The following EXTL3 variants were observed in gnomAD, a reference collection of about 807,000 sequenced individuals.
The protein encoded by EXTL3 is exostosin like glycosyltransferase 3, also known as exostosin-like 3.
In EXTL3, 27 loss-of-function variants were observed where a neutral mutation model predicts 69.3. The ratio of observed to expected loss-of-function variants is 0.39; its 90% CI spans 0.29 to 0.54. EXTL3 has a LOEUF of 0.54. Among genes scored for constraint, EXTL3 ranks in the 20% least tolerant of loss-of-function variants. The pLI is 0.69. For missense variants in EXTL3, 1,003 were observed against 1,231.8 expected (o/e 0.81, Z 2.78); for synonymous variants, 511 against 499.4 (o/e 1.02, Z -0.31).
upstream of EXTL3, chr8:28,696,567 T>C (rs1800689392): frequency 6.6e-6 from 1 of 151,454 alleles, no homozygotes; most frequent in African/African-American, 2.4e-5. Context: ...CATATACACT[T>C]TTTTTTTTTC....
At chr8:28,704,493 C>A (rs1800878362) in intron 1 of EXTL3, among the ~76,000 whole-genome samples, 2 of 152,154 alleles carry the variant, frequency 1.3e-5, no homozygotes, top group Non-Finnish European at 2.9e-5. Context: ...TATATTCCTT[C>A]ATTTGGCTGT....
At chr8:28,729,595 CAAAAAAAA>C (rs567929424) in intron 3 of EXTL3, among the ~76,000 whole-genome samples, 3 of 33,236 alleles carry the variant, frequency 9.0e-5, no homozygotes, top group Admixed American at 5.1e-4. Flanking sequence ...GACTCCATCT[CAAAAAAAA>C]AAAAAAAAAA....
chr8:28,717,365 C>G lies in EXTL3; in HGVS notation c.1306C>G (p.Pro436Ala). The change falls in exon 3 of 7, where the codon CCC (proline) becomes GCC (alanine). Residue 436 changes from proline (P) to alanine (A), a missense_variant. By Grantham distance (27) the Pro-to-Ala change is conservative (BLOSUM62 -1). Coordinates refer to ENST00000220562, the MANE Select transcript of EXTL3 (RefSeq NM_001440.4). This position sits in a 1 kb window ranked among gnomAD's most constrained non-coding sequence, Gnocchi z 8.3. ...KLSTFALIIT[P>A]GDPRLVISSG... is the part of the protein sequence containing the mutation. Reference sequence around the variant, plus strand: ...CTCCACCTTCGCCCTCATCATTACCCCCGGGGACCCTCGCTTGGTTATTTC... The same window carrying G: ...CTCCACCTTCGCCCTCATCATTACCGCCGGGGACCCTCGCTTGGTTATTTC... 4 of 1,614,228 alleles carry G rather than the reference C, an allele frequency of 2.5e-6. No individual in the cohort carries two copies. The highest frequency in any genetic ancestry group is 3.4e-6 in the Non-Finnish European group (4 of 1,180,040).
rs185462766 is a variant in EXTL3, at chr8:28,729,182, C to T, written c.2149-2041C>T. 3.5e-3 allele frequency among the ~76,000 whole-genome samples: 524 copies of T among 150,088 alleles called. 1 individual carries two copies. Among genetic ancestry groups the T allele is most frequent in the Non-Finnish European group, 5.4e-3 (369 of 67,774 alleles). ...TGGTGGTATCTGCTTGTAGTTCCAG[C>T]TACTTGGGAGGCTGAGGCAGGAGGA... On this transcript the variant is annotated intron_variant, in intron 3 of 6. Coordinates refer to ENST00000220562, the MANE Select transcript of EXTL3 (RefSeq NM_001440.4).
At chr8:28,704,271 A>G (rs1208238559) in intron 1 of EXTL3, among the ~76,000 whole-genome samples, 1 of 152,268 alleles carries the variant, frequency 6.6e-6, no homozygotes, top group African/African-American at 2.4e-5. Flanking sequence ...AAGTGGAGCC[A>G]TAGGAAGATG....
In EXTL3 at chr8:28,716,866, T is replaced by C; in HGVS notation, c.807T>C (p.Asp269=). Residue 269 remains aspartate (D), a synonymous_variant, in exon 3 of 7, where the codon GAT becomes GAC. Transcript: ENST00000220562. The surrounding 1 kb of genome is among the most constrained non-coding windows in gnomAD (Gnocchi z 7.1). The part of the protein sequence containing the change: ...QLYSLPHWRT[D]GHNHVIINLS... ...ATTCCCTGCCACACTGGCGGACGGA[T>C]GGACACAACCATGTCATCATCAATC... is the stretch of plus-strand genomic sequence containing the variant. 1.2e-6 allele frequency: 2 copies of C among 1,614,202 alleles called. No homozygotes were observed. The highest frequency in any genetic ancestry group is 1.7e-6 in the Non-Finnish European group (2 of 1,180,030).
intron 3 of EXTL3, among the ~76,000 whole-genome samples, chr8:28,726,205 C>T (rs571967414): frequency 1.3e-3 from 193 of 152,168 alleles, no homozygotes; most frequent in Non-Finnish European, 2.4e-3. Flanking sequence ...CCGCCCGCCT[C>T]GGCCTCCTAA....
chr8:28,717,616 C>T lies in EXTL3; in HGVS notation c.1557C>T (p.Tyr519=). ...RRQGRFLWET[Y]FSTADSIFNT... ...AAGGCCGCTTTCTCTGGGAGACTTA[C>T]TTCTCCACTGCTGACAGTATTTTTA... The change falls in exon 3 of 7, where the codon TAC becomes TAT. Residue 519 remains tyrosine (Y), a synonymous_variant. Transcript: ENST00000220562. This position sits in a 1 kb window ranked among gnomAD's most constrained non-coding sequence, Gnocchi z 8.3. 1.2e-6 allele frequency: 2 copies of T among 1,614,250 alleles called. No homozygotes were observed. The highest frequency in any genetic ancestry group is 1.7e-6 in the Non-Finnish European group (2 of 1,180,038).
chr8:28,663,627 T>C (rs983434213), intron 1 of EXTL3, among the ~76,000 whole-genome samples: 1 of 152,084 alleles, frequency 6.6e-6, no homozygotes, highest in South Asian at 2.1e-4. Flanking sequence ...AAATTTTAAA[T>C]TTTTAGTAGA....
rs1056719191 is a variant in EXTL3, at chr8:28,652,493, CA to C, written c.-53+29694del. Reference sequence around the variant, plus strand: ...GCAACACAGGGAGGCCCCATAGCTACAAAAAAAAAAATTATCTGGCTGTGGT... The same window carrying C: ...GCAACACAGGGAGGCCCCATAGCTACAAAAAAAAAATTATCTGGCTGTGGT... On this transcript the variant is annotated intron_variant, in intron 1 of 6. Transcript: ENST00000523149. 6.1e-3 allele frequency among the ~76,000 whole-genome samples: 878 copies of C among 144,944 alleles called. 8 individuals are homozygous for C. Among genetic ancestry groups the C allele is most frequent in the African/African-American group, 0.02 (793 of 39,744 alleles).
chr8:28,688,937 C>A (rs1020921968), intron 1 of EXTL3, among the ~76,000 whole-genome samples: 1 of 152,192 alleles, frequency 6.6e-6, no homozygotes, highest in Non-Finnish European at 1.5e-5. Flanking sequence ...CTTAAGGCAA[C>A]ATTCTTTTCT....
At chr8:28,608,073 G>A (rs1393535114) in intron 2 of EXTL3, among the ~76,000 whole-genome samples, 1 of 150,618 alleles carries the variant, frequency 6.6e-6, no homozygotes, top group Non-Finnish European at 1.5e-5. Flanking sequence ...TCGTGCCACT[G>A]CACTCCAGCC....
chr8:28,717,959 A>T lies in EXTL3; in HGVS notation c.1900A>T (p.Thr634Ser). Reference protein sequence around the residue: ...PSEAKFLGSGTGFRPIGGGAG... With the variant: ...PSEAKFLGSGSGFRPIGGGAG... ...AGAGGCCAAATTCTTGGGCTCAGGG[A>T]CTGGCTTTCGGCCTATTGGTGGTGG... Residue 634 changes from threonine to serine, a missense_variant, in exon 3 of 7, where the codon ACT becomes TCT. This residue lies in a region of EXTL3 where 261 missense variants were observed against 416.4 expected (regional missense o/e 0.63). Transcript: ENST00000220562. The surrounding 1 kb of genome is among the most constrained non-coding windows in gnomAD (Gnocchi z 8.3). 6.2e-7 allele frequency: 1 copy of T among 1,614,116 alleles called. No individual in the cohort carries two copies. Among genetic ancestry groups the T allele is most frequent in the Non-Finnish European group, 8.5e-7 (1 of 1,180,026 alleles).
chr8:28,614,505 C>T (rs1806308588), intron 2 of EXTL3, among the ~76,000 whole-genome samples: 1 of 151,936 alleles, frequency 6.6e-6, no homozygotes, highest in African/African-American at 2.4e-5. Flanking sequence ...AACTCTTGGG[C>T]TCAAGCGATC....
upstream of EXTL3, among the ~76,000 whole-genome samples, chr8:28,621,198 T>C (rs963463728): frequency 1.6e-4 from 24 of 152,272 alleles, no homozygotes; most frequent in Non-Finnish European, 2.6e-4. Context: ...ATGACCTTAT[T>C]TGGAAATCAG....
rs185676885 is a variant in EXTL3 at position 28,610,639 on chromosome 8, A to G, written n.314+2881A>G. Among the ~76,000 whole-genome samples the G allele has an allele frequency of 9.9e-5, 15 of 152,206 alleles. No individual in the cohort carries two copies. In the East Asian group the frequency reaches 2.9e-3, roughly 29 times the overall value. On this transcript the variant is annotated intron_variant and non_coding_transcript_variant, in intron 2 of 4. Transcript: ENST00000522725. ...GAATCTCTGTCTTAATTTTCACACC[A>G]TACCTATGCGATGATTCTTACTTTC...
chr8:28,724,109 T>C (rs1365819650), intron 3 of EXTL3, among the ~76,000 whole-genome samples: 3 of 151,728 alleles, frequency 2.0e-5, no homozygotes, highest in Admixed American at 1.3e-4. Context: ...ACATGTAAAA[T>C]GTATGAAAAT....
chr8:28,729,519 T>A (rs1328036343), intron 3 of EXTL3, among the ~76,000 whole-genome samples: 2 of 128,372 alleles, frequency 1.6e-5, no homozygotes, highest in Non-Finnish European at 3.1e-5. Flanking sequence ...TCACTTGAAC[T>A]CAGAGGGCAG....
intron 1 of EXTL3, among the ~76,000 whole-genome samples, chr8:28,692,657 G>C (rs1800631898): frequency 6.6e-6 from 1 of 152,174 alleles, no homozygotes; most frequent in Admixed American, 6.5e-5. Context: ...AGCCAAATTG[G>C]TTGACTAAGA....
Sources: allele counts gnomAD v4.1 joint callset (sites outside exome capture counted in the v4.1 genomes callset), GRCh38; gene constraint gnomAD v4.1.1; regional missense constraint gnomAD v4.1.1; non-coding constraint Gnocchi (gnomAD v3.1); transcripts MANE v1.5; gene names NCBI Gene and HGNC (gene_info 2026-07-23, HGNC 2026-07-21).